TSNAX: variants seen among roughly 807,000 people sequenced by gnomAD.
The protein encoded by TSNAX is translin-associated protein X.
A neutral mutation model predicts 33.0 loss-of-function variants in TSNAX; 12 were observed. That is an observed-to-expected ratio of 0.36 (90% CI 0.23 to 0.59). The LOEUF (loss-of-function observed/expected upper bound fraction) is 0.59, where lower values mean the gene tolerates loss of function less well. TSNAX is among the 20% of genes least tolerant of loss of function. TSNAX has a pLI of 0.74. For synonymous variants in TSNAX, 110 were observed against 117.2 expected (o/e 0.94, Z 0.40); for missense variants, 267 against 341.3 (o/e 0.78, Z 1.72).
intron 2 of TSNAX, among the ~76,000 whole-genome samples, chr1:231,533,838 A>G (rs1047692532): frequency 1.3e-5 from 2 of 152,224 alleles, no homozygotes; most frequent in Non-Finnish European, 2.9e-5. Flanking sequence ...TTAATACTTC[A>G]GAATATATTT....
At chr1:231,536,434 A>AATACAC (rs1659177962) in intron 2 of TSNAX, 2 of 152,322 alleles carry the variant, frequency 1.3e-5, no homozygotes, top group South Asian at 4.1e-4. Context: ...ATTAAGATAC[A>AATACAC]ATACACATAC....
At chr1:231,529,678 A>G (rs931241544) in intron 2 of TSNAX, among the ~76,000 whole-genome samples, 2 of 152,212 alleles carry the variant, frequency 1.3e-5, no homozygotes, top group African/African-American at 2.4e-5. Context: ...ATATATTTTC[A>G]TTTAGTGTGT....
At chr1:231,562,230 ATTTTC>A (rs1205528729) in intron 5 of TSNAX, among the ~76,000 whole-genome samples, 2 of 149,138 alleles carry the variant, frequency 1.3e-5, no homozygotes, top group Admixed American at 6.7e-5. Flanking sequence ...TATTTTAAAA[ATTTTC>A]TTTATTTTTT....
At position 231,564,697 on chromosome 1, in the gene TSNAX, G is replaced by A. The variant is rs762657262; in HGVS notation, c.665G>A (p.Arg222His). 8.1e-6 allele frequency: 13 copies of A among 1,613,966 alleles called. No homozygotes were observed. The highest frequency in any genetic ancestry group is 4.0e-5 in the African/African-American group (3 of 74,888). Residue 222 changes from arginine (R) to histidine (H), a missense_variant, in exon 6 of 6, where the codon CGT becomes CAT. Arg to His is a conservative substitution (Grantham distance 29). Around this residue, in one of 2 missense-constraint regions of TSNAX, gnomAD observed 67 missense variants for 127.2 expected, o/e 0.53. Coordinates refer to ENST00000366639, the MANE Select transcript of TSNAX (RefSeq NM_005999.3). ...CCCTTTGAAGTGAGCCAGTTTTTAC[G>A]TCAGGTTTATGATGGGTTTTCATTC... ...DTPFEVSQFL[R>H]QVYDGFSFIG...
At chr1:231,543,189 A>T (rs753712097) in intron 4 of TSNAX, among the ~76,000 whole-genome samples, 16 of 151,834 alleles carry the variant, frequency 1.1e-4, no homozygotes, top group East Asian at 1.9e-4. Context: ...AAAAAAAAAA[A>T]TTTTGAGGGT....
In TSNAX at chr1:231,561,226, A is replaced by T; in HGVS notation, c.466A>T (p.Thr156Ser). The change falls in exon 5 of 6, where the codon ACT (threonine) becomes TCT (serine). Residue 156 changes from threonine (T) to serine (S), a missense_variant. Physicochemically the swap from Thr to Ser is moderately conservative, Grantham distance 58 (BLOSUM62 1). This residue lies in a region of TSNAX where 200 missense variants were observed against 214.1 expected (regional missense o/e 0.93). Transcript: ENST00000366639. ...AATTAATAAACAATTGATATTTACG[A>T]CTGAAGACAATGGGAAAGAAAATAA... ...DEINKQLIFT[T>S]EDNGKENKTP... 1 of 1,558,464 alleles carries T rather than the reference A, an allele frequency of 6.4e-7. No homozygotes were observed. The highest frequency in any genetic ancestry group is 8.8e-7 in the Non-Finnish European group (1 of 1,140,770).
chr1:231,540,481 T>C (rs993495222), intron 3 of TSNAX, among the ~76,000 whole-genome samples: 2 of 152,222 alleles, frequency 1.3e-5, no homozygotes, highest in African/African-American at 4.8e-5. Context: ...GATACTGATT[T>C]CTAATTTAAT....
intron 4 of TSNAX, among the ~76,000 whole-genome samples, chr1:231,546,213 C>T (rs149196040): frequency 1.3e-5 from 2 of 152,172 alleles, no homozygotes; most frequent in African/African-American, 4.8e-5. Context: ...CCTAATAAGT[C>T]TCCCGAAATA....
intron 4 of TSNAX, among the ~76,000 whole-genome samples, chr1:231,555,101 G>T (rs1660603574): frequency 6.6e-6 from 1 of 152,180 alleles, no homozygotes; most frequent in Admixed American, 6.6e-5. Context: ...GAACAGGTAT[G>T]AATAGTCATG....
chr1:231,561,116 T>C lies in TSNAX; in HGVS notation c.368-12T>C. Reference sequence around the variant, plus strand: ...TGCTTATTCTTAGTAATTTTCTTTGTCACGCTTTCAGGACTACAGGAATAT... The same window carrying C: ...TGCTTATTCTTAGTAATTTTCTTTGCCACGCTTTCAGGACTACAGGAATAT... On this transcript the variant is annotated splice_polypyrimidine_tract_variant and intron_variant, in intron 4 of 5. Coordinates refer to ENST00000366639, the MANE Select transcript of TSNAX (RefSeq NM_005999.3). 1 of 1,602,530 alleles carries C rather than the reference T, an allele frequency of 6.2e-7. No individual in the cohort carries two copies. The highest frequency in any genetic ancestry group is 1.1e-5 in the South Asian group (1 of 87,236).
intron 4 of TSNAX, among the ~76,000 whole-genome samples, chr1:231,560,325 G>A (rs1660985655): frequency 6.8e-6 from 1 of 146,006 alleles, no homozygotes; most frequent in South Asian, 2.2e-4. Context: ...TCATTGCTTC[G>A]TTACCCAGCA....
chr1:231,562,940 G>A (rs1180641638), intron 5 of TSNAX, among the ~76,000 whole-genome samples: 1 of 152,084 alleles, frequency 6.6e-6, no homozygotes, highest in Non-Finnish European at 1.5e-5. Flanking sequence ...ATAGCTCAAC[G>A]TCATATTACC....
At chr1:231,539,818 T>C (rs968933204) in intron 3 of TSNAX, among the ~76,000 whole-genome samples, 1 of 152,088 alleles carries the variant, frequency 6.6e-6, no homozygotes, top group African/African-American at 2.4e-5. Flanking sequence ...AATAATAGAC[T>C]TCAGAAAAAT....
chr1:231,542,966 C>G, intron 4 of TSNAX: 1 of 155,596 alleles, frequency 6.4e-6, no homozygotes, highest in Non-Finnish European at 1.4e-5. Flanking sequence ...ATCACCAGGT[C>G]AGGAGTTCGA....
At chr1:231,537,179 A>C (rs1224777209) in intron 2 of TSNAX, 34 bp from the exon 3 acceptor site, 2 of 1,480,060 alleles carry the variant, frequency 1.4e-6, no homozygotes, top group Non-Finnish European at 1.9e-6. Flanking sequence ...TTGAGTATAG[A>C]ATATACATGC....
At chr1:231,547,171 CATTT>C (rs1341500914) in intron 4 of TSNAX, among the ~76,000 whole-genome samples, 6 of 152,134 alleles carry the variant, frequency 3.9e-5, no homozygotes, top group African/African-American at 7.2e-5. Flanking sequence ...TGAAAGCATT[CATTT>C]GTCTGTTTGA....
At chr1:231,539,632 T>A (rs1369810057) in intron 3 of TSNAX, among the ~76,000 whole-genome samples, 1 of 152,162 alleles carries the variant, frequency 6.6e-6, no homozygotes, top group African/African-American at 2.4e-5. Flanking sequence ...ACTTAGAAAA[T>A]GGTAGTCTTT....
chr1:231,559,985 ATTT>A lies in TSNAX; in HGVS notation c.368-1132_368-1130del, dbSNP rs1220762707. Among the ~76,000 whole-genome samples the A allele has an allele frequency of 5.1e-3, 728 of 142,328 alleles. 9 individuals carry two copies. The highest frequency in any genetic ancestry group is 0.018 in the African/African-American group (673 of 38,228). 93.4% of individuals were successfully genotyped at this position (142,328 alleles called of 152,430 possible). ...CCAAATTATTATTATTATTATTATT[ATTT>A]TTTTTTTTTTGCGACGAGTCTCGCT... On this transcript the variant is annotated intron_variant, in intron 4 of 5. Transcript: ENST00000366639.
intron 4 of TSNAX, among the ~76,000 whole-genome samples, chr1:231,545,114 G>A (rs1234293870): frequency 6.6e-6 from 1 of 152,126 alleles, no homozygotes; most frequent in East Asian, 1.9e-4. Context: ...AAGTAAAGAG[G>A]TGTCTAGGAC....
Sources: gnomAD v4.1 joint callset for allele counts (sites outside exome capture counted in the v4.1 genomes callset) on GRCh38, gnomAD v4.1.1 for gene constraint, gnomAD v4.1.1 regional missense constraint, MANE v1.5 for transcripts, NCBI Gene and HGNC (gene_info 2026-07-23, HGNC 2026-07-21) for gene names.